The following ZNF438 variants were observed in gnomAD, a reference collection of about 807,000 sequenced individuals.
The protein encoded by ZNF438 is zinc finger protein 438.
A neutral mutation model predicts 38.0 loss-of-function variants in ZNF438; 25 were observed. The ratio of observed to expected loss-of-function variants is 0.66; its 90% CI spans 0.48 to 0.92. ZNF438 has a LOEUF of 0.92. Ranked by LOEUF, ZNF438 falls within the 40% of genes least tolerant of loss-of-function variation. The pLI is 0.00. For synonymous variants in ZNF438, 372 were observed against 364.1 expected, an observed-to-expected ratio of 1.02 and a Z score of -0.25; for missense variants, 1,007 against 999.6, an observed-to-expected ratio of 1.01 and a Z score of -0.10.
At chr10:30,892,888 T>C (rs988325895) in intron 3 of ZNF438, among the ~76,000 whole-genome samples, 1 of 152,222 alleles carries the variant, frequency 6.6e-6, no homozygotes, top group Non-Finnish European at 1.5e-5. Context: ...AAAGACTGCA[T>C]AGTATTTGAT....
At chr10:30,930,036 T>C (rs1020686499) in intron 2 of ZNF438, among the ~76,000 whole-genome samples, 1 of 152,136 alleles carries the variant, frequency 6.6e-6, no homozygotes, top group African/African-American at 2.4e-5. Flanking sequence ...CAGGTGGAGC[T>C]GCAGCCAGTC....
In ZNF438 at chr10:30,874,799, T is replaced by C. The variant is rs936467418; in HGVS notation, c.37+2199A>G. Among the ~76,000 whole-genome samples the C allele has an allele frequency of 7.3e-5, 11 of 150,818 alleles. No homozygotes were observed. In the South Asian group the frequency reaches 2.1e-3, roughly 28 times the overall value. On this transcript the variant is annotated intron_variant, in intron 4 of 5. Transcript: ENST00000413025. ...TTGTAAATTCTTATAGAAATATCTT[T>C]ATAAATTAAATATTCTTTATAAATA...
chr10:30,879,009 G>A (rs948720865), intron 3 of ZNF438, among the ~76,000 whole-genome samples: 1 of 152,168 alleles, frequency 6.6e-6, no homozygotes, highest in Non-Finnish European at 1.5e-5. Flanking sequence ...CTCTATGTGA[G>A]GACAGATCCT....
intron 3 of ZNF438, among the ~76,000 whole-genome samples, chr10:30,908,711 C>T (rs1440574813): frequency 6.6e-6 from 1 of 152,122 alleles, no homozygotes; most frequent in Non-Finnish European, 1.5e-5. Flanking sequence ...GATGTTATTT[C>T]AAACTACTAA....
chr10:30,932,937 C>T (rs2045857248), intron 2 of ZNF438, among the ~76,000 whole-genome samples: 1 of 152,132 alleles, frequency 6.6e-6, no homozygotes, highest in South Asian at 2.1e-4. Flanking sequence ...CCTGGGGCTA[C>T]CAGAAGCCAG....
At chr10:31,027,534 A>G (rs2057020616) in intron 1 of ZNF438, among the ~76,000 whole-genome samples, 1 of 152,130 alleles carries the variant, frequency 6.6e-6, no homozygotes, top group Admixed American at 6.6e-5. Flanking sequence ...CAATTAAATA[A>G]CCATCAACCT....
intron 3 of ZNF438, among the ~76,000 whole-genome samples, chr10:30,882,586 TA>T (rs2039414762): frequency 6.6e-6 from 1 of 152,190 alleles, no homozygotes; most frequent in African/African-American, 2.4e-5. Flanking sequence ...AGATAGACAT[TA>T]AAGAGCAATA....
At chr10:30,993,789 C>G (rs2053763373) in intron 1 of ZNF438, among the ~76,000 whole-genome samples, 1 of 152,238 alleles carries the variant, frequency 6.6e-6, no homozygotes, top group African/African-American at 2.4e-5. Flanking sequence ...CAACTGTAAC[C>G]TACAAGGGCT....
At chr10:30,869,569 T>C (rs2037054544) in intron 4 of ZNF438, among the ~76,000 whole-genome samples, 1 of 152,204 alleles carries the variant, frequency 6.6e-6, no homozygotes, top group African/African-American at 2.4e-5. Context: ...AAAGGATATT[T>C]CTACAGGCAT....
chr10:30,996,763 C>A (rs1479518891), intron 1 of ZNF438, among the ~76,000 whole-genome samples: 1 of 152,068 alleles, frequency 6.6e-6, no homozygotes, highest in Non-Finnish European at 1.5e-5. Context: ...ATTAAGTGCA[C>A]ATGAAACATT....
intron 1 of ZNF438, among the ~76,000 whole-genome samples, chr10:31,011,326 C>A (rs937091383): frequency 6.6e-6 from 1 of 152,210 alleles, no homozygotes; most frequent in African/African-American, 2.4e-5. Context: ...CAGAGCACTG[C>A]ACTCCTGACC....
At chr10:30,847,368 T>A (rs1359723423) in intron 5 of ZNF438, among the ~76,000 whole-genome samples, 1 of 152,182 alleles carries the variant, frequency 6.6e-6, no homozygotes, top group Non-Finnish European at 1.5e-5. Context: ...CTACCCTCTC[T>A]GCTGAGAGCA....
At chr10:30,918,866 T>G (rs1167884168) in intron 2 of ZNF438, 1 of 152,208 alleles carries the variant, frequency 6.6e-6, no homozygotes, top group Non-Finnish European at 1.5e-5. Flanking sequence ...GCATCGATCT[T>G]TTAGGTATGG....
intron 2 of ZNF438, among the ~76,000 whole-genome samples, chr10:30,911,572 T>C (rs1250495276): frequency 6.6e-6 from 1 of 152,124 alleles, no homozygotes; most frequent in Non-Finnish European, 1.5e-5. Flanking sequence ...AGCCTAAGTC[T>C]CTGTGTCCTA....
intron 2 of ZNF438, among the ~76,000 whole-genome samples, chr10:30,912,974 C>A (rs990697378): frequency 6.6e-6 from 1 of 152,014 alleles, no homozygotes; most frequent in Non-Finnish European, 1.5e-5. Context: ...TCTAATACAA[C>A]ATATCTGTTG....
At chr10:30,901,115 T>C (rs16932065) in intron 3 of ZNF438, among the ~76,000 whole-genome samples, 10,207 of 152,226 alleles carry the variant, frequency 0.067, 1,138 homozygotes, top group African/African-American at 0.23. Context: ...ACACTAATAA[T>C]CAGGAAGTCG....
At chr10:31,002,979 T>C (rs543515860) in intron 1 of ZNF438, among the ~76,000 whole-genome samples, 3 of 152,222 alleles carry the variant, frequency 2.0e-5, no homozygotes, top group African/African-American at 7.2e-5. Flanking sequence ...CTGGAATGTA[T>C]AGCCTTTTGA....
intron 2 of ZNF438, among the ~76,000 whole-genome samples, chr10:30,931,699 A>G (rs2045717942): frequency 6.6e-6 from 1 of 152,188 alleles, no homozygotes; most frequent in South Asian, 2.1e-4. Flanking sequence ...CCACTAACCT[A>G]CTGAACAGTT....
At position 30,848,608 on chromosome 10, in the gene ZNF438, C is replaced by T. The variant is rs144656513; in HGVS notation, c.1797G>A (p.Ala599=). The T allele has an allele frequency of 6.3e-4, 1,023 of 1,614,128 alleles. 8 individuals carry two copies. The East Asian group carries it at 0.019, about 30-fold the overall frequency. ...TGTCTCCTGGCTGCAGTTCACTGGG[C>T]GCAGGCTCAGTGCTGATCACAACCC... The change falls in exon 5 of 6, where the codon GCG becomes GCA. Residue 599 remains alanine, a synonymous_variant. Transcript: ENST00000413025.
Sources: gnomAD v4.1 joint callset for allele counts (sites outside exome capture counted in the v4.1 genomes callset) on GRCh38, gnomAD v4.1.1 for gene constraint, MANE v1.5 for transcripts, NCBI Gene and HGNC (gene_info 2026-07-23, HGNC 2026-07-21) for gene names.